DHRSX: variants seen among roughly 807,000 people sequenced by gnomAD.
DHRSX encodes the protein dehydrogenase/reductase X-linked.
In DHRSX, 31 loss-of-function variants were observed where a neutral mutation model predicts 34.0. That is an observed-to-expected ratio of 0.91 (90% CI 0.69 to 1.23). The LOEUF (loss-of-function observed/expected upper bound fraction) is 1.23. Among genes scored for constraint, DHRSX ranks in the 50% most tolerant of loss-of-function variants. The pLI, the probability that DHRSX is intolerant of heterozygous loss-of-function variation, is 0.00. For synonymous variants in DHRSX, 201 were observed against 183.8 expected (o/e 1.09, Z -0.76); for missense variants, 414 against 428.1 (o/e 0.97, Z 0.29).
At chrX:2,293,364 G>A (rs1203860204) in intron 3 of DHRSX, among the ~76,000 whole-genome samples, 2 of 151,886 alleles carry the variant, frequency 1.3e-5, no homozygotes, top group Admixed American at 1.3e-4. Flanking sequence ...GGTTCAAGGA[G>A]GTTGGGAGAA....
At chrX:2,444,010 G>GAAA (rs569503260) in intron 1 of DHRSX, among the ~76,000 whole-genome samples, 6 of 102,274 alleles carry the variant, frequency 5.9e-5, no homozygotes, top group Non-Finnish European at 8.6e-5. Context: ...GTCTCAAAAA[G>GAAA]AAAAAAAAAA....
chrX:2,375,855 T>G lies in DHRSX; in HGVS notation c.286+32890A>C, dbSNP rs944652921. 6.6e-5 allele frequency among the ~76,000 whole-genome samples: 9 copies of G among 136,124 alleles called. 1 individual carries two copies. Among genetic ancestry groups the G allele is most frequent in the Non-Finnish European group, 1.4e-4 (8 of 57,600 alleles). 89.3% of individuals were successfully genotyped at this position (136,124 alleles called of 152,430 possible). A position where few individuals can be genotyped will look rare whatever the true frequency, so the allele number is the denominator to read the frequency against. On this transcript the variant is annotated intron_variant, in intron 3 of 6. Transcript: ENST00000334651. ...ACCATGTTGGCCAAGCTGGTCTCGATCTCCTGACCTCGTGATCCACCTGCC... is the reference window on the plus strand; with the variant it reads ...ACCATGTTGGCCAAGCTGGTCTCGAGCTCCTGACCTCGTGATCCACCTGCC...
intron 1 of DHRSX, chrX:2,500,286 C>A (rs1237343120): frequency 5.5e-6 from 1 of 180,266 alleles, no homozygotes; most frequent in South Asian, 1.5e-4. Flanking sequence ...AGACGTCCTC[C>A]GGAGAAGGGC....
rs760047557 is a variant in DHRSX at position 2,377,633 on chromosome X, G to A, written c.286+31112C>T. Among the ~76,000 whole-genome samples the A allele has an allele frequency of 7.2e-5, 11 of 152,276 alleles. No individual in the cohort carries two copies. In the South Asian group the frequency reaches 2.3e-3, roughly 32 times the overall value. On this transcript the variant is annotated intron_variant, in intron 3 of 6. Coordinates refer to ENST00000334651, the MANE Select transcript of DHRSX (RefSeq NM_145177.3). ...CCAGGATTGCTAGCTAGCGAAGGAA[G>A]CCAGAAGAGATAGCGGAGGATCCTC...
At chrX:2,480,763 A>T (rs1262735663) in intron 1 of DHRSX, among the ~76,000 whole-genome samples, 3 of 152,102 alleles carry the variant, frequency 2.0e-5, no homozygotes, top group Non-Finnish European at 4.4e-5. Flanking sequence ...GGCTGCCATG[A>T]GCTATGAACA....
chrX:2,491,323 G>C (rs1228969794), intron 1 of DHRSX, among the ~76,000 whole-genome samples: 2 of 152,182 alleles, frequency 1.3e-5, no homozygotes, highest in Admixed American at 6.5e-5. Flanking sequence ...ACCCGCCTTG[G>C]CCTCCCAAAG....
At chrX:2,304,148 G>A (rs1176338771) in intron 3 of DHRSX, among the ~76,000 whole-genome samples, 2 of 146,346 alleles carry the variant, frequency 1.4e-5, no homozygotes, top group African/African-American at 5.1e-5. Flanking sequence ...TGAATGGATG[G>A]ATGGATGGAT....
At chrX:2,265,383 C>A (rs2041438249) in intron 5 of DHRSX, among the ~76,000 whole-genome samples, 4 of 116,368 alleles carry the variant, frequency 3.4e-5, no homozygotes, top group Admixed American at 8.3e-5. Context: ...GGAGCACTGT[C>A]CCCAGAGCAC....
In DHRSX at chrX:2,244,746, C is replaced by G. The variant is rs185272982; in HGVS notation, c.597-1516G>C. Among the ~76,000 whole-genome samples, 7 of 151,986 alleles carry G rather than the reference C, an allele frequency of 4.6e-5. No individual in the cohort carries two copies. The East Asian group carries it at 1.3e-3, about 29-fold the overall frequency. ...TTTATTTTTGAGACAGAGTCTTGCT[C>G]TGTCAACCCAGCTGGAGTACAGTGG... On this transcript the variant is annotated intron_variant, in intron 5 of 6. Transcript: ENST00000334651.
At chrX:2,395,987 C>G (rs981265349) in intron 3 of DHRSX, among the ~76,000 whole-genome samples, 11 of 152,110 alleles carry the variant, frequency 7.2e-5, no homozygotes, top group Non-Finnish European at 1.3e-4. Context: ...CTCTGGAGAC[C>G]AAAAGTCTGA....
chrX:2,261,381 G>C (rs2041361629), intron 5 of DHRSX: 1 of 152,102 alleles, frequency 6.6e-6, no homozygotes, highest in African/African-American at 2.4e-5. Context: ...TTAAGCGCAT[G>C]AATCTGCTCT....
At chrX:2,254,131 A>G (rs1430242523) in intron 5 of DHRSX, among the ~76,000 whole-genome samples, 1 of 152,150 alleles carries the variant, frequency 6.6e-6, no homozygotes, top group Non-Finnish European at 1.5e-5. Context: ...AACGTGTCAT[A>G]TCTCGGTCTC....
At chrX:2,258,298 C>G (rs148029040) in intron 5 of DHRSX, among the ~76,000 whole-genome samples, 49 of 152,114 alleles carry the variant, frequency 3.2e-4, no homozygotes, top group African/African-American at 1.2e-3. Flanking sequence ...TGTGAGGACA[C>G]AGAGAGAAGA....
At chrX:2,411,479 C>T (rs1210500416) in intron 2 of DHRSX, among the ~76,000 whole-genome samples, 2 of 148,532 alleles carry the variant, frequency 1.3e-5, no homozygotes, top group South Asian at 2.1e-4. Flanking sequence ...AACCAGGACC[C>T]GGGAAGCAGA....
chrX:2,232,070 TTTA>T (rs1011974938), intron 6 of DHRSX, among the ~76,000 whole-genome samples: 11 of 149,178 alleles, frequency 7.4e-5, no homozygotes, highest in East Asian at 4.0e-4. Context: ...TCTTCCTCCT[TTTA>T]TTTTTTCTCC....
rs1259806456 is a variant in DHRSX at position 2,481,495 on chromosome X, G to A, written c.109+19322C>T. Among the ~76,000 whole-genome samples the A allele has an allele frequency of 1.6e-4, 25 of 151,974 alleles. 1 individual carries two copies. Among genetic ancestry groups the A allele is most frequent in the African/African-American group, 4.8e-4 (20 of 41,350 alleles). ...AGCTTTACCAATGTACTGAAACCCCGTCTCTACGAAAAATATAAAAATTAG... is the reference window on the plus strand; with the variant it reads ...AGCTTTACCAATGTACTGAAACCCCATCTCTACGAAAAATATAAAAATTAG... On this transcript the variant is annotated intron_variant, in intron 1 of 6. Coordinates refer to ENST00000334651, the MANE Select transcript of DHRSX (RefSeq NM_145177.3).
In DHRSX at chrX:2,380,352, T is replaced by TAA. The variant is rs34993427; in HGVS notation, c.286+28391_286+28392dup. ...GACTGCATTGCAGGATGAGATGTCT[T>TAA]AAAAAAAAAAAAGTAGCTGTAATCT... is the stretch of plus-strand genomic sequence containing the variant. On this transcript the variant is annotated intron_variant, in intron 3 of 6. Coordinates refer to ENST00000334651, the MANE Select transcript of DHRSX (RefSeq NM_145177.3). 8.9e-4 allele frequency among the ~76,000 whole-genome samples: 117 copies of TAA among 131,622 alleles called. 1 individual carries two copies. The highest frequency in any genetic ancestry group is 3.2e-3 in the African/African-American group (115 of 35,908). The allele number at this position is 131,622 out of a possible 152,430, so 86.3% of individuals were successfully genotyped here.
chrX:2,255,114 G>A (rs2041259318), intron 5 of DHRSX, among the ~76,000 whole-genome samples: 1 of 151,850 alleles, frequency 6.6e-6, no homozygotes, highest in South Asian at 2.1e-4. Context: ...ACAGTCACCC[G>A]TCACCACACC....
intron 3 of DHRSX, among the ~76,000 whole-genome samples, chrX:2,330,094 GAGGGAGGGA>G (rs2042441723): frequency 3.2e-4 from 3 of 9,418 alleles, no homozygotes; most frequent in African/African-American, 7.0e-4. Context: ...GGGGGGGGGG[GAGGGAGGGA>G]GAGAGAGAGA....
Sources: allele counts gnomAD v4.1 joint callset (sites outside exome capture counted in the v4.1 genomes callset), GRCh38; gene constraint gnomAD v4.1.1; transcripts MANE v1.5; gene names NCBI Gene and HGNC (gene_info 2026-07-23, HGNC 2026-07-21).